MGAT4A: variants seen among roughly 807,000 people sequenced by gnomAD.
MGAT4A encodes N-acetylglucosaminyltransferase IVa.
Under a neutral mutation model 74.1 loss-of-function variants are expected in MGAT4A, and 33 were observed. The ratio of observed to expected loss-of-function variants is 0.45; its 90% confidence interval spans 0.34 to 0.60. The LOEUF (loss-of-function observed/expected upper bound fraction) is 0.60. Ranked by LOEUF, MGAT4A falls within the 20% of genes least tolerant of loss-of-function variation. The pLI, the probability that MGAT4A is intolerant of heterozygous loss-of-function variation, is 0.02. For missense variants in MGAT4A, 479 were observed against 628.3 expected (o/e 0.76, Z 2.54); for synonymous variants, 198 against 210.4 (o/e 0.94, Z 0.51).
At chr2:98,706,772 A>G (rs1702443665) in intron 2 of MGAT4A, among the ~76,000 whole-genome samples, 1 of 152,148 alleles carries the variant, frequency 6.6e-6, no homozygotes, top group South Asian at 2.1e-4. Flanking sequence ...ATCAACATAT[A>G]AAAATGCATT....
At chr2:98,662,966 A>G in intron 5 of MGAT4A, 80 bp downstream of exon 5, 1 of 1,150,584 alleles carries the variant, frequency 8.7e-7, no homozygotes, top group East Asian at 2.6e-5. Flanking sequence ...CGTTTTTAAA[A>G]GCATATTCAA....
At chr2:98,698,108 C>G (rs927303908) in intron 2 of MGAT4A, among the ~76,000 whole-genome samples, 1 of 152,114 alleles carries the variant, frequency 6.6e-6, no homozygotes, top group African/African-American at 2.4e-5. Context: ...TGCAGAAGAA[C>G]CAGAAGTAGT....
At chr2:98,657,076 A>T (rs1182599859) in intron 6 of MGAT4A, among the ~76,000 whole-genome samples, 4 of 152,208 alleles carry the variant, frequency 2.6e-5, no homozygotes, top group Non-Finnish European at 5.9e-5. Flanking sequence ...TACAATGCAT[A>T]CGGCAGCCCC....
At chr2:98,719,810 G>A (rs1052583924) in intron 2 of MGAT4A, among the ~76,000 whole-genome samples, 1 of 152,232 alleles carries the variant, frequency 6.6e-6, no homozygotes, top group Admixed American at 6.5e-5. Flanking sequence ...ACCACGCCCA[G>A]CTAATTTTTT....
chr2:98,693,143 T>C (rs931955378), intron 2 of MGAT4A, among the ~76,000 whole-genome samples: 1 of 152,054 alleles, frequency 6.6e-6, no homozygotes, highest in African/African-American at 2.4e-5. Flanking sequence ...CAGAAGGAAA[T>C]GGCACATTTT....
intron 14 of MGAT4A, among the ~76,000 whole-genome samples, chr2:98,633,524 G>A (rs1204843438): frequency 1.3e-5 from 2 of 152,168 alleles, no homozygotes; most frequent in Non-Finnish European, 2.9e-5. Context: ...TAACGAGAGG[G>A]TCAAGGAAGC....
chr2:98,694,000 C>T (rs1303387614), intron 2 of MGAT4A: 4 of 153,064 alleles, frequency 2.6e-5, no homozygotes, highest in African/African-American at 9.6e-5. Context: ...ACAATAATCA[C>T]ATTAAATGTA....
intron 5 of MGAT4A, among the ~76,000 whole-genome samples, chr2:98,659,196 A>C (rs1701708083): frequency 6.6e-6 from 1 of 152,242 alleles, no homozygotes; most frequent in Non-Finnish European, 1.5e-5. Flanking sequence ...TCTAAGAGGT[A>C]AACGGAGTCT....
chr2:98,650,803 T>C lies in MGAT4A; in HGVS notation c.774+4642A>G, dbSNP rs189271618. 1.4e-3 allele frequency among the ~76,000 whole-genome samples: 219 copies of C among 152,030 alleles called. 1 individual carries two copies. Among genetic ancestry groups the C allele is most frequent in the South Asian group, 2.7e-3 (13 of 4,818 alleles). On this transcript the variant is annotated intron_variant, in intron 8 of 15. Transcript: ENST00000393487. ...CCATCTCTACTAAAAATACAAAAAT[T>C]AGCTGGGTGTGGTGGTGGGCACCTG...
chr2:98,696,612 G>A (rs1298431920), intron 2 of MGAT4A, among the ~76,000 whole-genome samples: 3 of 152,224 alleles, frequency 2.0e-5, no homozygotes, highest in Non-Finnish European at 4.4e-5. Context: ...CCAAGTCCAA[G>A]TCTAAAAGTT....
chr2:98,669,044 G>A (rs1047408494), intron 4 of MGAT4A, among the ~76,000 whole-genome samples: 1 of 152,182 alleles, frequency 6.6e-6, no homozygotes, highest in African/African-American at 2.4e-5. Context: ...CATCTCAGAT[G>A]AGACGTTGGA....
At chr2:98,714,933 CA>C (rs150837377) in intron 2 of MGAT4A, among the ~76,000 whole-genome samples, 28,251 of 151,926 alleles carry the variant, frequency 0.19, 2,836 homozygotes, top group South Asian at 0.23. Context: ...ATTTAAACAA[CA>C]AAATAAGTTA....
chr2:98,719,401 A>G (rs1702634917), intron 2 of MGAT4A, among the ~76,000 whole-genome samples: 1 of 152,240 alleles, frequency 6.6e-6, no homozygotes, highest in African/African-American at 2.4e-5. Context: ...TGGGCAAACC[A>G]AGAGCTGAAG....
intron 2 of MGAT4A, among the ~76,000 whole-genome samples, chr2:98,703,766 T>C (rs753128769): frequency 1.3e-5 from 2 of 152,136 alleles, no homozygotes; most frequent in Non-Finnish European, 2.9e-5. Flanking sequence ...TTTTACACTC[T>C]CCTAATGTGC....
At chr2:98,632,592 C>T (rs1170467255) in intron 14 of MGAT4A, among the ~76,000 whole-genome samples, 2 of 152,244 alleles carry the variant, frequency 1.3e-5, no homozygotes, top group Non-Finnish European at 2.9e-5. Flanking sequence ...AGTAAGTCAT[C>T]TCCTCTTTAG....
intron 14 of MGAT4A, among the ~76,000 whole-genome samples, chr2:98,631,658 C>T (rs1036332340): frequency 3.9e-5 from 6 of 152,274 alleles, no homozygotes; most frequent in Middle Eastern, 6.8e-3. Context: ...CTAGGCAGCC[C>T]GACTCCAGGG....
rs1701664104 is a variant in MGAT4A, at chr2:98,656,479, G to GT, written c.585-15dup. The GT allele has an allele frequency of 1.3e-6, 2 of 1,518,612 alleles. No individual in the cohort carries two copies. The allele number at this position is 1,518,612 out of a possible 1,614,324, so 94.1% of individuals were successfully genotyped here. A position where few individuals can be genotyped will look rare whatever the true frequency, so the allele number is the denominator to read the frequency against. Reference sequence around the variant, plus strand: ...TCTTTAGAAAATCTATTATGAGAAAGTTAGCTGAGTTACTTAAGTTCTGTG... The same window carrying GT: ...TCTTTAGAAAATCTATTATGAGAAAGTTTAGCTGAGTTACTTAAGTTCTGTG... On this transcript the variant is annotated splice_polypyrimidine_tract_variant and intron_variant, in intron 6 of 15. Transcript: ENST00000393487.
At chr2:98,715,317 C>CAAA (rs201860893) in intron 2 of MGAT4A, among the ~76,000 whole-genome samples, 56 of 63,176 alleles carry the variant, frequency 8.9e-4, no homozygotes, top group African/African-American at 1.2e-3. Context: ...GACTTCATCT[C>CAAA]AAAAAAAAAA....
chr2:98,728,034 A>C (rs1299759833), intron 1 of MGAT4A, among the ~76,000 whole-genome samples: 2 of 152,218 alleles, frequency 1.3e-5, no homozygotes, highest in African/African-American at 2.4e-5. Flanking sequence ...TATGAAGAGA[A>C]GTTCCAGGGA....
Sources: allele counts gnomAD v4.1 joint callset (sites outside exome capture counted in the v4.1 genomes callset), GRCh38; gene constraint gnomAD v4.1.1; transcripts MANE v1.5; gene names NCBI Gene and HGNC (gene_info 2026-07-23, HGNC 2026-07-21).